The following PROSER1 variants were observed in gnomAD, a reference collection of about 807,000 sequenced individuals.
PROSER1 encodes proline and serine rich 1.
PROSER1 carries 36 observed loss-of-function variants against 71.8 expected under a neutral mutation model. The observed-to-expected ratio is 0.50, with a 90% confidence interval of 0.38 to 0.66. The LOEUF (loss-of-function observed/expected upper bound fraction) is 0.66, where lower values mean the gene tolerates loss of function less well. Among genes scored for constraint, PROSER1 ranks in the 30% least tolerant of loss-of-function variants. PROSER1 has a pLI of 0.00. For missense variants in PROSER1, 1,107 were observed against 1,135.0 expected (o/e 0.98, Z 0.35); for synonymous variants, 490 against 452.4 (o/e 1.08, Z -1.06).
At chr13:39,032,620 A>G (rs938340790) in intron 2 of PROSER1, among the ~76,000 whole-genome samples, 46 of 152,334 alleles carry the variant, frequency 3.0e-4, no homozygotes, top group African/African-American at 1.1e-3. Flanking sequence ...TATATAGCAA[A>G]TAAGTATTAT....
chr13:39,024,547 A>C lies in PROSER1; in HGVS notation c.490T>G (p.Leu164Val). Residue 164 changes from leucine to valine, a missense_variant, in exon 7 of 13, where the codon TTG becomes GTG. Transcript: ENST00000352251. ...GTACATTCTTCACCATCTTTTTTCAAAGGAGTTCCCTATTAAAAAAAAAAA... is the reference window on the plus strand; with the variant it reads ...GTACATTCTTCACCATCTTTTTTCACAGGAGTTCCCTATTAAAAAAAAAAA... ...RINGIFPGTP[L>V]KKDGEECTNE... 6.3e-7 allele frequency: 1 copy of C among 1,594,764 alleles called. No homozygotes were observed. The highest frequency in any genetic ancestry group is 1.1e-5 in the South Asian group (1 of 87,544).
At chr13:39,028,000 C>G (rs575280850) in intron 5 of PROSER1, among the ~76,000 whole-genome samples, 1 of 152,260 alleles carries the variant, frequency 6.6e-6, no homozygotes, top group Non-Finnish European at 1.5e-5. Flanking sequence ...GAGGCTCAAG[C>G]TGAGTGGCCA....
chr13:39,015,290 G>A (rs1485335110), intron 10 of PROSER1, among the ~76,000 whole-genome samples: 1 of 152,052 alleles, frequency 6.6e-6, no homozygotes, highest in Non-Finnish European at 1.5e-5. Context: ...GCATTTTGGG[G>A]GATGATGTGG....
In PROSER1 at chr13:39,014,454, T is replaced by G. The variant is rs753449826; in HGVS notation, c.798A>C (p.Gln266His). The G allele has an allele frequency of 6.2e-7, 1 of 1,608,824 alleles. No individual in the cohort carries two copies. The highest frequency in any genetic ancestry group is 1.1e-5 in the South Asian group (1 of 90,880). The change falls in exon 11 of 13, where the codon CAA (glutamine) becomes CAC (histidine). Residue 266 changes from glutamine to histidine, a missense_variant. Transcript: ENST00000352251. ...QNQTFSTPAS[Q>H]LFSPHGSNPS... ...GATTAGAACCATGAGGAGAAAAGAG[T>G]TGACTTGCTGGGGTGGAAAATGCTA... is the stretch of plus-strand genomic sequence containing the variant.
chr13:39,026,577 A>G, intron 5 of PROSER1, 190 bp from the exon 6 acceptor site: 1 of 474,618 alleles, frequency 2.1e-6, no homozygotes, highest in Non-Finnish European at 3.7e-6. Flanking sequence ...AAATGGAATA[A>G]TTAAAATGGT....
chr13:39,016,130 T>A (rs933110490), intron 10 of PROSER1, among the ~76,000 whole-genome samples: 1 of 152,214 alleles, frequency 6.6e-6, no homozygotes, highest in African/African-American at 2.4e-5. Context: ...TTATTAATCA[T>A]AGCACTTGCA....
intron 1 of PROSER1, among the ~76,000 whole-genome samples, chr13:39,036,786 G>A (rs974684838): frequency 6.6e-6 from 1 of 152,118 alleles, no homozygotes. Flanking sequence ...GCTTAGATTT[G>A]AAAACCCCAT....
At chr13:39,025,529 T>C (rs1360507904) in intron 6 of PROSER1, among the ~76,000 whole-genome samples, 2 of 152,178 alleles carry the variant, frequency 1.3e-5, no homozygotes, top group Non-Finnish European at 2.9e-5. Flanking sequence ...CCAGCTGCCA[T>C]GTCATGAGGA....
rs1308876895 is a variant in PROSER1 at position 39,033,787 on chromosome 13, G to A, written c.111+344C>T. On this transcript the variant is annotated intron_variant, in intron 2 of 12. Transcript: ENST00000352251. ...CACATTTTCTTTTATATTACATGAC[G>A]AATTTTGTAATTGTCTTACATGTAA... is the stretch of plus-strand genomic sequence containing the variant. Among the ~76,000 whole-genome samples, 8 of 151,966 alleles carry A rather than the reference G, an allele frequency of 5.3e-5. 1 individual carries two copies. The highest frequency in any genetic ancestry group is 4.2e-4 in the South Asian group (2 of 4,810).
At chr13:39,024,696 G>A in intron 6 of PROSER1, 140 bp from the exon 7 acceptor site, 2 of 627,986 alleles carry the variant, frequency 3.2e-6, no homozygotes, top group Non-Finnish European at 5.4e-6. Context: ...TTTCAGTTCT[G>A]CACTGGCTGG....
intron 11 of PROSER1, chr13:39,012,482 T>C (rs1869711554): frequency 1.6e-6 from 1 of 641,318 alleles, no homozygotes; most frequent in Non-Finnish European, 2.7e-6. Context: ...AATAAAACTA[T>C]CAAATACAAA....
chr13:39,035,428 A>G (rs1871052139), intron 1 of PROSER1, among the ~76,000 whole-genome samples: 1 of 152,206 alleles, frequency 6.6e-6, no homozygotes, highest in Non-Finnish European at 1.5e-5. Context: ...TCTTGAGCTG[A>G]TAGTTAACCT....
In PROSER1 at chr13:39,011,217, C is replaced by G. The variant is rs10161823; in HGVS notation, c.*148G>C. The stretch of plus-strand genomic sequence containing the variant: ...GTGTTCACACTTTAAAATGCAACCA[C>G]AATTTTCAAATTGTTGTCACAATTT... On this transcript the variant is annotated 3_prime_UTR_variant, in exon 13 of 13. Coordinates refer to ENST00000352251, the MANE Select transcript of PROSER1 (RefSeq NM_025138.5). 6,532 of 774,012 alleles carry G rather than the reference C, an allele frequency of 8.4e-3. 209 individuals carry two copies. The highest frequency in any genetic ancestry group is 0.07 in the African/African-American group (4,023 of 57,526). The allele number at this position is 774,012 out of a possible 1,614,324, so 47.9% of individuals were successfully genotyped here. A position where few individuals can be genotyped will look rare whatever the true frequency, so the allele number is the denominator to read the frequency against.
chr13:39,017,466 T>TA, intron 10 of PROSER1, 34 bp downstream of exon 10: 1 of 1,351,156 alleles, frequency 7.4e-7, no homozygotes, highest in Non-Finnish European at 1.0e-6. Flanking sequence ...CCATGACAGA[T>TA]ATCCGTTATC....
In PROSER1 at chr13:39,037,439, A is replaced by G; in HGVS notation, c.-197T>C. 1.8e-6 allele frequency: 1 copy of G among 564,424 alleles called. No homozygotes were observed. Among genetic ancestry groups the G allele is most frequent in the Non-Finnish European group, 3.1e-6 (1 of 318,496 alleles). 35.0% of individuals were successfully genotyped at this position (564,424 alleles called of 1,614,324 possible). ...TTTCTAAAAATTGAGATTCAGAAAAACTCTTTTTATTAAAAAGAAAAAACA... is the reference window on the plus strand; with the variant it reads ...TTTCTAAAAATTGAGATTCAGAAAAGCTCTTTTTATTAAAAAGAAAAAACA... On this transcript the variant is annotated 5_prime_UTR_variant, in exon 1 of 13. Transcript: ENST00000352251.
intron 6 of PROSER1, 86 bp from the exon 7 acceptor site, chr13:39,024,642 C>A (rs867440925): frequency 1.1e-5 from 10 of 945,966 alleles, no homozygotes; most frequent in Non-Finnish European, 1.6e-5. Flanking sequence ...CTGTATTACA[C>A]TGAAGAAAAG....
At chr13:39,018,273 C>T (rs1870100368) in intron 9 of PROSER1, among the ~76,000 whole-genome samples, 1 of 152,118 alleles carries the variant, frequency 6.6e-6, no homozygotes, top group South Asian at 2.1e-4. Context: ...AAAAATTTAA[C>T]CTCTTATGGC....
Position 39,026,046 on chromosome 13 carries a change from A to G in PROSER1, c.480+231T>C, listed in dbSNP as rs1343839377. On this transcript the variant is annotated intron_variant, in intron 6 of 12. Transcript: ENST00000352251. ...TTACTAAATGTAAATCAGTGCTTCT[A>G]AAGTACTTTGAAAAATAAAATCATC... Among the ~76,000 whole-genome samples, 4 of 152,192 alleles carry G rather than the reference A, an allele frequency of 2.6e-5. No individual in the cohort carries two copies. The South Asian group carries it at 6.3e-4, about 24-fold the overall frequency.
At chr13:39,018,489 C>CACAA (rs1555238984) in intron 9 of PROSER1, among the ~76,000 whole-genome samples, 4 of 143,964 alleles carry the variant, frequency 2.8e-5, no homozygotes, top group Admixed American at 2.7e-4. Flanking sequence ...CACACACACA[C>CACAA]ACACACACAC....
Sources: allele counts gnomAD v4.1 joint callset (sites outside exome capture counted in the v4.1 genomes callset), GRCh38; gene constraint gnomAD v4.1.1; transcripts MANE v1.5; gene names NCBI Gene and HGNC (gene_info 2026-07-23, HGNC 2026-07-21).